The following MAGI1 variants were observed in gnomAD, a reference collection of about 807,000 sequenced individuals.
The protein encoded by MAGI1 is membrane associated guanylate kinase, WW and PDZ domain containing 1.
Under a neutral mutation model 139.9 loss-of-function variants are expected in MAGI1, and 58 were observed. The observed-to-expected ratio is 0.41, with a 90% CI of 0.34 to 0.52. MAGI1 has a LOEUF of 0.52. MAGI1 is among the 20% of genes least tolerant of loss of function. MAGI1 has a pLI of 0.12. For synonymous variants in MAGI1, 812 were observed against 737.9 expected (o/e 1.10, Z -1.63); for missense variants, 1,874 against 1,901.6 (o/e 0.99, Z 0.27).
chr3:65,587,676 T>C (rs1351241402), intron 2 of MAGI1, among the ~76,000 whole-genome samples: 1 of 151,806 alleles, frequency 6.6e-6, no homozygotes, highest in Non-Finnish European at 1.5e-5. Flanking sequence ...GAGATGAGGT[T>C]TCACCATGTT....
chr3:65,488,025 C>A (rs1373383674), intron 3 of MAGI1, among the ~76,000 whole-genome samples: 1 of 152,218 alleles, frequency 6.6e-6, no homozygotes, highest in Non-Finnish European at 1.5e-5. Context: ...TGAACATTCC[C>A]AGCATGGAAG....
At chr3:66,036,591 GC>G (rs979699802) in intron 1 of MAGI1, among the ~76,000 whole-genome samples, 11 of 152,294 alleles carry the variant, frequency 7.2e-5, no homozygotes, top group African/African-American at 2.4e-4. Context: ...GCTTTCCATA[GC>G]TAAGTGTCAG....
chr3:65,994,815 C>T (rs555751612), intron 1 of MAGI1, among the ~76,000 whole-genome samples: 109 of 152,310 alleles, frequency 7.2e-4, no homozygotes, highest in Middle Eastern at 3.4e-3. Context: ...TCTCTAGGCA[C>T]ATGAAGTGGG....
chr3:65,384,988 T>C (rs1943337978), intron 14 of MAGI1, among the ~76,000 whole-genome samples: 1 of 152,148 alleles, frequency 6.6e-6, no homozygotes, highest in Non-Finnish European at 1.5e-5. Context: ...ATCCTTAAGA[T>C]CAATGGTGAT....
At chr3:65,784,781 G>T (rs1183793526) in intron 1 of MAGI1, among the ~76,000 whole-genome samples, 2 of 152,258 alleles carry the variant, frequency 1.3e-5, no homozygotes, top group Admixed American at 6.5e-5. Context: ...TAATATTTGG[G>T]AAGAAGAAAT....
chr3:65,580,507 G>T (rs2108120296), intron 2 of MAGI1, among the ~76,000 whole-genome samples: 1 of 152,180 alleles, frequency 6.6e-6, no homozygotes, highest in East Asian at 1.9e-4. Flanking sequence ...AGAATAAAAA[G>T]AATCCTCTGA....
rs1406172376 is a variant in MAGI1, at chr3:65,737,854, T to G, written c.314-115766A>C. 2.6e-5 allele frequency among the ~76,000 whole-genome samples: 4 copies of G among 152,054 alleles called. No homozygotes were observed. The South Asian group carries it at 8.3e-4, about 32-fold the overall frequency. On this transcript the variant is annotated intron_variant, in intron 1 of 22. Transcript: ENST00000402939. ...GAAGCCTGAAGTTTCACTTAACCAATTACCGAAAACAACACACACACACCT... is the reference window on the plus strand; with the variant it reads ...GAAGCCTGAAGTTTCACTTAACCAAGTACCGAAAACAACACACACACACCT...
At chr3:65,786,736 C>CT in intron 1 of MAGI1, among the ~76,000 whole-genome samples, 1 of 151,622 alleles carries the variant, frequency 6.6e-6, no homozygotes, top group South Asian at 2.1e-4. Flanking sequence ...CTCAGCCTCC[C>CT]TAGTAGCTGG....
chr3:65,733,720 T>C (rs7646130), intron 1 of MAGI1, among the ~76,000 whole-genome samples: 48,276 of 152,110 alleles, frequency 0.32, 8,289 homozygotes, highest in African/African-American at 0.39. Context: ...AAAGTGGCTA[T>C]ATTATATGGC....
Position 65,356,570 on chromosome 3 carries a change from G to A in MAGI1, c.4197C>T (p.Thr1399=). Reference sequence around the variant, plus strand: ...CGGGGGAGCGTGCGCGCCTCCGGTCGGTGGACTTGGCCCTGCGCTCGGGCG... The same window carrying A: ...CGGGGGAGCGTGCGCGCCTCCGGTCAGTGGACTTGGCCCTGCGCTCGGGCG... ...GGSPERRAKS[T]DRRRARSPER... Residue 1399 remains threonine, a synonymous_variant, in exon 23 of 23, where the codon ACC becomes ACT. Coordinates refer to ENST00000402939, the MANE Select transcript of MAGI1 (RefSeq NM_001033057.2). 6.2e-6 allele frequency: 10 copies of A among 1,606,888 alleles called. No individual in the cohort carries two copies. Among genetic ancestry groups the A allele is most frequent in the Non-Finnish European group, 7.6e-6 (9 of 1,178,744 alleles).
At chr3:65,807,225 C>T (rs1220909686) in intron 1 of MAGI1, among the ~76,000 whole-genome samples, 2 of 152,196 alleles carry the variant, frequency 1.3e-5, no homozygotes, top group Admixed American at 1.3e-4. Flanking sequence ...CAGAAATTCA[C>T]TTCTCCCAGT....
At chr3:65,469,800 C>T (rs1486138846) in intron 5 of MAGI1, 7 of 150,824 alleles carry the variant, frequency 4.6e-5, no homozygotes, top group African/African-American at 1.7e-4. Context: ...ATACAAATCA[C>T]ATATATGATA....
At chr3:65,804,195 G>C (rs1350135759) in intron 1 of MAGI1, among the ~76,000 whole-genome samples, 1 of 151,892 alleles carries the variant, frequency 6.6e-6, no homozygotes, top group African/African-American at 2.4e-5. Flanking sequence ...CAGAGACCCT[G>C]CGTGGCACAA....
chr3:66,032,929 A>C (rs535816472), intron 1 of MAGI1, among the ~76,000 whole-genome samples: 2,303 of 148,636 alleles, frequency 0.015, 68 homozygotes, highest in African/African-American at 0.055. Flanking sequence ...AAAAAAAAAA[A>C]AAAAACAACA....
chr3:65,573,928 C>T (rs1263119568), intron 2 of MAGI1, among the ~76,000 whole-genome samples: 2 of 152,054 alleles, frequency 1.3e-5, no homozygotes, highest in Non-Finnish European at 2.9e-5. Flanking sequence ...TTTCACCCTA[C>T]TAATTACTCA....
chr3:65,966,700 A>C (rs2064763224), intron 1 of MAGI1, among the ~76,000 whole-genome samples: 1 of 152,194 alleles, frequency 6.6e-6, no homozygotes, highest in Non-Finnish European at 1.5e-5. Flanking sequence ...ATTGCTGCTA[A>C]TTACGAGGCA....
intron 1 of MAGI1, among the ~76,000 whole-genome samples, chr3:66,024,391 G>A (rs966913360): frequency 3.3e-5 from 5 of 149,824 alleles, no homozygotes; most frequent in Admixed American, 2.7e-4. Flanking sequence ...TAGAAACACC[G>A]GGCCAATGTT....
intron 1 of MAGI1, among the ~76,000 whole-genome samples, chr3:66,010,967 GTT>G (rs1173819937): frequency 6.6e-6 from 1 of 152,184 alleles, no homozygotes; most frequent in Non-Finnish European, 1.5e-5. Context: ...GAAGCCAAGT[GTT>G]ACCTGTGGTA....
chr3:66,002,423 C>T (rs2066791094), intron 1 of MAGI1, among the ~76,000 whole-genome samples: 1 of 152,070 alleles, frequency 6.6e-6, no homozygotes, highest in African/African-American at 2.4e-5. Flanking sequence ...AGGGACATTT[C>T]ATGGGGTGGG....
Sources: allele counts gnomAD v4.1 joint callset (sites outside exome capture counted in the v4.1 genomes callset), GRCh38; gene constraint gnomAD v4.1.1; transcripts MANE v1.5; gene names NCBI Gene and HGNC (gene_info 2026-07-23, HGNC 2026-07-21).